The following ELOVL6 variants were observed in gnomAD, a reference collection of about 807,000 sequenced individuals.
The protein encoded by ELOVL6 is very long chain fatty acid elongase 6.
In ELOVL6, 8 loss-of-function variants were observed where a neutral mutation model predicts 31.7. The ratio of observed to expected loss-of-function variants is 0.25; its 90% confidence interval spans 0.15 to 0.45. The LOEUF (loss-of-function observed/expected upper bound fraction) is 0.45. Ranked by LOEUF, ELOVL6 falls within the 20% of genes least tolerant of loss-of-function variation. The pLI is 1.00. For synonymous variants in ELOVL6, 101 were observed against 117.7 expected (o/e 0.86, Z 0.92); for missense variants, 126 against 326.4 (o/e 0.39, Z 4.73).
At chr4:110,131,670 T>C (rs1037941469) in intron 1 of ELOVL6, among the ~76,000 whole-genome samples, 87 of 152,250 alleles carry the variant, frequency 5.7e-4, no homozygotes, top group Admixed American at 3.3e-3. Context: ...CTCTAGGTCC[T>C]GTGGGGGTGA....
At chr4:110,094,438 TATATAATATATATAACATAATATATA>T (rs1756516813) in intron 2 of ELOVL6, among the ~76,000 whole-genome samples, 1 of 55,354 alleles carries the variant, frequency 1.8e-5, no homozygotes, top group African/African-American at 8.6e-5. Flanking sequence ...TATATATATA[TATATAATATATATAACATAATATATA>T]TTACATATAA....
chr4:110,160,905 A>G (rs918050186), intron 1 of ELOVL6, among the ~76,000 whole-genome samples: 1 of 152,214 alleles, frequency 6.6e-6, no homozygotes, highest in Non-Finnish European at 1.5e-5. Context: ...TTGCTTTTCT[A>G]TTCAGTGGAG....
chr4:110,048,187 G>A lies in ELOVL6; in HGVS notation c.*3151C>T, dbSNP rs769449374. 6.6e-6 allele frequency: 1 copy of A among 152,056 alleles called. No homozygotes were observed. Among genetic ancestry groups the A allele is most frequent in the African/African-American group, 2.4e-5 (1 of 41,390 alleles). The allele number at this position is 152,056 out of a possible 1,614,324, so 9.4% of individuals were successfully genotyped here. ...TAGAAGGATGGGAGTAAGTGACTTCGAATAACCACCTCAATCCATGGTTTT... is the reference window on the plus strand; with the variant it reads ...TAGAAGGATGGGAGTAAGTGACTTCAAATAACCACCTCAATCCATGGTTTT... On this transcript the variant is annotated 3_prime_UTR_variant, in exon 4 of 4. Transcript: ENST00000302274.
chr4:110,146,605 G>C (rs1225517203), intron 1 of ELOVL6: 1 of 152,296 alleles, frequency 6.6e-6, no homozygotes, highest in Non-Finnish European at 1.5e-5. Flanking sequence ...TACAATGATA[G>C]AGTTGTCAGG....
intron 1 of ELOVL6, among the ~76,000 whole-genome samples, chr4:110,180,523 C>A (rs1759240817): frequency 6.6e-6 from 1 of 152,186 alleles, no homozygotes; most frequent in Non-Finnish European, 1.5e-5. Flanking sequence ...GTTGAGACTA[C>A]AAGCAGCTAT....
At chr4:110,099,297 C>T (rs1756676847) in intron 2 of ELOVL6, among the ~76,000 whole-genome samples, 1 of 151,452 alleles carries the variant, frequency 6.6e-6, no homozygotes, top group Non-Finnish European at 1.5e-5. Context: ...TATTTAAGCA[C>T]TTTGTTCATA....
At chr4:110,189,591 TCAAAA>T (rs1759549395) in intron 1 of ELOVL6, among the ~76,000 whole-genome samples, 1 of 27,622 alleles carries the variant, frequency 3.6e-5, no homozygotes, top group African/African-American at 1.7e-4. Context: ...AGACTCTGTC[TCAAAA>T]AAAAAAAAAA....
At chr4:110,057,519 T>C (rs1755019670) in intron 3 of ELOVL6, among the ~76,000 whole-genome samples, 1 of 152,020 alleles carries the variant, frequency 6.6e-6, no homozygotes, top group Non-Finnish European at 1.5e-5. Flanking sequence ...TCAACTAAAA[T>C]AATTCAGACT....
chr4:110,108,406 G>C lies in ELOVL6; in HGVS notation c.90-2778C>G, dbSNP rs1481437986. 2.0e-5 allele frequency among the ~76,000 whole-genome samples: 3 copies of C among 152,256 alleles called. No homozygotes were observed. In the East Asian group the frequency reaches 5.8e-4, roughly 29 times the overall value. ...GAAAAGAACAAAAAATCTTCCCTAT[G>C]TATTTTTTCTCCAATTTCCTAACTT... On this transcript the variant is annotated intron_variant, in intron 1 of 3. Coordinates refer to ENST00000302274, the MANE Select transcript of ELOVL6 (RefSeq NM_024090.3).
chr4:110,072,481 A>G (rs916040541), intron 2 of ELOVL6, among the ~76,000 whole-genome samples: 2 of 152,182 alleles, frequency 1.3e-5, no homozygotes, highest in African/African-American at 4.8e-5. Context: ...TCTCAAAAAA[A>G]ATCCTTTGTA....
At chr4:110,094,239 A>C (rs181729436) in intron 2 of ELOVL6, among the ~76,000 whole-genome samples, 2,046 of 134,496 alleles carry the variant, frequency 0.015, 50 homozygotes, top group African/African-American at 0.056. Flanking sequence ...ATAGAGCTAA[A>C]CTCCATCTCA....
At chr4:110,173,767 G>A (rs1407917017) in intron 1 of ELOVL6, among the ~76,000 whole-genome samples, 1 of 151,460 alleles carries the variant, frequency 6.6e-6, no homozygotes, top group Admixed American at 6.6e-5. Context: ...AGATAAAATA[G>A]CATTACCTTG....
At chr4:110,088,539 C>A (rs1440128124) in intron 2 of ELOVL6, among the ~76,000 whole-genome samples, 1 of 152,174 alleles carries the variant, frequency 6.6e-6, no homozygotes, top group African/African-American at 2.4e-5. Context: ...TCGAAAATTT[C>A]ATGTATAGAA....
chr4:110,111,500 G>A (rs1222704114), intron 1 of ELOVL6, among the ~76,000 whole-genome samples: 8 of 151,564 alleles, frequency 5.3e-5, no homozygotes, highest in African/African-American at 1.9e-4. Context: ...TTCCTTTGCA[G>A]TATGGTTAGT....
chr4:110,154,413 C>G (rs1269855208), intron 1 of ELOVL6, among the ~76,000 whole-genome samples: 1 of 152,112 alleles, frequency 6.6e-6, no homozygotes, highest in African/African-American at 2.4e-5. Context: ...CACCATCACA[C>G]CTGACTAATT....
At chr4:110,081,449 A>G (rs1451358419) in intron 2 of ELOVL6, among the ~76,000 whole-genome samples, 1 of 152,172 alleles carries the variant, frequency 6.6e-6, no homozygotes, top group Non-Finnish European at 1.5e-5. Context: ...CATATCTACA[A>G]CCATCTGATA....
At position 110,048,054 on chromosome 4, in the gene ELOVL6, CAG is replaced by C; in HGVS notation, c.*3282_*3283del. 1 of 152,214 alleles carries C rather than the reference CAG, an allele frequency of 6.6e-6. No individual in the cohort carries two copies. Among genetic ancestry groups the C allele is most frequent in the East Asian group, 1.9e-4 (1 of 5,184 alleles). The allele number at this position is 152,214 out of a possible 1,614,324, so 9.4% of individuals were successfully genotyped here. On this transcript the variant is annotated 3_prime_UTR_variant, in exon 4 of 4. Coordinates refer to ENST00000302274, the MANE Select transcript of ELOVL6 (RefSeq NM_024090.3). ...TTTCTCATCAGTTTCTTTACATGAGCAGAGAGGTGGAGAAGCGAGGGGATATA... is the reference window on the plus strand; with the variant it reads ...TTTCTCATCAGTTTCTTTACATGAGCAGAGGTGGAGAAGCGAGGGGATATA...
At chr4:110,098,616 A>T (rs1434811105) in intron 2 of ELOVL6, among the ~76,000 whole-genome samples, 1 of 152,126 alleles carries the variant, frequency 6.6e-6, no homozygotes, top group Non-Finnish European at 1.5e-5. Context: ...GTTTTCGTGC[A>T]TATTTTAATA....
At position 110,049,114 on chromosome 4, in the gene ELOVL6, G is replaced by A. The variant is rs948126682; in HGVS notation, c.*2224C>T. 6.6e-6 allele frequency: 1 copy of A among 152,126 alleles called. No individual in the cohort carries two copies. Among genetic ancestry groups the A allele is most frequent in the Non-Finnish European group, 1.5e-5 (1 of 68,018 alleles). The allele number at this position is 152,126 out of a possible 1,614,324, so 9.4% of individuals were successfully genotyped here. The stretch of plus-strand genomic sequence containing the variant: ...TTATTGCACGGTATCATGTATTTGC[G>A]AAGCTCAAAATAACATTTGCATCCT... On this transcript the variant is annotated 3_prime_UTR_variant, in exon 4 of 4. Transcript: ENST00000302274.
Sources: allele counts gnomAD v4.1 joint callset (sites outside exome capture counted in the v4.1 genomes callset), GRCh38; gene constraint gnomAD v4.1.1; transcripts MANE v1.5; gene names NCBI Gene and HGNC (gene_info 2026-07-23, HGNC 2026-07-21).